The following ROBO1 variants were observed in gnomAD, a reference collection of about 807,000 sequenced individuals.
ROBO1 encodes roundabout homolog 1.
Under a neutral mutation model 195.9 loss-of-function variants are expected in ROBO1, and 149 were observed. That is an observed-to-expected ratio of 0.76 (90% CI 0.67 to 0.87). The LOEUF (loss-of-function observed/expected upper bound fraction) is 0.87. Ranked by LOEUF, ROBO1 falls within the 40% of genes least tolerant of loss-of-function variation. The pLI, the probability that ROBO1 is intolerant of heterozygous loss-of-function variation, is 0.00. For missense variants in ROBO1, 1,933 were observed against 2,068.3 expected (o/e 0.93, Z 1.27); for synonymous variants, 816 against 733.2 (o/e 1.11, Z -1.82).
intron 5 of ROBO1, among the ~76,000 whole-genome samples, chr3:78,740,212 T>C (rs2608021): frequency 0.69 from 104,377 of 151,800 alleles, 36,701 homozygotes; most frequent in Middle Eastern, 0.8. Flanking sequence ...AATTGACAAG[T>C]ATAAGTGTAC....
intron 1 of ROBO1, among the ~76,000 whole-genome samples, chr3:79,700,064 C>T (rs760629384): frequency 3.3e-5 from 5 of 151,700 alleles, no homozygotes; most frequent in Non-Finnish European, 7.4e-5. Flanking sequence ...TTAGTTCCTA[C>T]ACATAAGTGA....
intron 4 of ROBO1, among the ~76,000 whole-genome samples, chr3:78,916,951 G>A (rs77243986): frequency 0.069 from 10,523 of 152,154 alleles, 542 homozygotes; most frequent in Admixed American, 0.13. Flanking sequence ...AGTGTAGGTT[G>A]AGTAAAGAAA....
intron 2 of ROBO1, among the ~76,000 whole-genome samples, chr3:79,360,295 T>G (rs1191490265): frequency 1.3e-5 from 2 of 152,020 alleles, no homozygotes; most frequent in Non-Finnish European, 2.9e-5. Flanking sequence ...CAAATGATGA[T>G]TTTTTATAAA....
chr3:79,243,105 T>C (rs2082553281), intron 2 of ROBO1, among the ~76,000 whole-genome samples: 1 of 151,518 alleles, frequency 6.6e-6, no homozygotes, highest in Non-Finnish European at 1.5e-5. Flanking sequence ...GTCCTTGCGA[T>C]AGTTTGCTGA....
chr3:79,117,988 A>T (rs757986184), intron 3 of ROBO1, among the ~76,000 whole-genome samples: 2 of 152,208 alleles, frequency 1.3e-5, no homozygotes, highest in African/African-American at 2.4e-5. Flanking sequence ...TAAAACAAAC[A>T]TGAAGACAAT....
At chr3:79,669,068 C>T (rs1436817946) in intron 1 of ROBO1, among the ~76,000 whole-genome samples, 1 of 151,826 alleles carries the variant, frequency 6.6e-6, no homozygotes, top group Non-Finnish European at 1.5e-5. Flanking sequence ...TGAGTCCCTA[C>T]CCAAATCTCA....
At chr3:79,166,567 T>A (rs924902297) in intron 2 of ROBO1, among the ~76,000 whole-genome samples, 1 of 149,772 alleles carries the variant, frequency 6.7e-6, no homozygotes, top group East Asian at 1.9e-4. Flanking sequence ...TTTCTTTTTT[T>A]TTTTTTTTTT....
intron 3 of ROBO1, among the ~76,000 whole-genome samples, chr3:79,013,456 G>C (rs925864505): frequency 6.6e-6 from 1 of 152,168 alleles, no homozygotes; most frequent in African/African-American, 2.4e-5. Flanking sequence ...AAAAATTAGA[G>C]ACCATTTTCT....
intron 3 of ROBO1, among the ~76,000 whole-genome samples, chr3:79,051,685 T>C (rs1018305814): frequency 6.6e-6 from 1 of 152,064 alleles, no homozygotes; most frequent in Non-Finnish European, 1.5e-5. Flanking sequence ...TCAGGGACCC[T>C]GAATGGAGGG....
At chr3:78,761,064 T>G (rs1050866519) in intron 4 of ROBO1, among the ~76,000 whole-genome samples, 3 of 152,100 alleles carry the variant, frequency 2.0e-5, no homozygotes, top group African/African-American at 7.2e-5. Context: ...ATATAATCAA[T>G]AGTCTAACAG....
intron 4 of ROBO1, among the ~76,000 whole-genome samples, chr3:78,856,693 A>G (rs189550768): frequency 1.3e-3 from 197 of 151,588 alleles, no homozygotes; most frequent in Admixed American, 2.6e-3. Context: ...ATCTCCTTTG[A>G]TATATTTTAT....
chr3:78,975,756 G>A (rs897955173), intron 3 of ROBO1, among the ~76,000 whole-genome samples: 1 of 152,134 alleles, frequency 6.6e-6, no homozygotes, highest in African/African-American at 2.4e-5. Context: ...CATAAGCACT[G>A]AAATTAATTC....
chr3:79,584,279 T>TA lies in ROBO1; in HGVS notation c.88+5544_88+5545insT, dbSNP rs201728505. Among the ~76,000 whole-genome samples, 12 of 146,922 alleles carry TA rather than the reference T, an allele frequency of 8.2e-5. No homozygotes were observed. The South Asian group carries it at 2.6e-3, about 32-fold the overall frequency. ...ATATATATATATATATATATATATA[T>TA]TACTACATATATATATATGCTGTTA... On this transcript the variant is annotated intron_variant, in intron 2 of 30. Transcript: ENST00000464233.
At chr3:79,484,212 A>C (rs890909861) in intron 2 of ROBO1, among the ~76,000 whole-genome samples, 4 of 152,188 alleles carry the variant, frequency 2.6e-5, no homozygotes, top group African/African-American at 9.7e-5. Context: ...GTGGGGTGAT[A>C]CATGTTTAAA....
intron 3 of ROBO1, among the ~76,000 whole-genome samples, chr3:78,961,941 GT>G (rs74866184): frequency 6.6e-4 from 94 of 141,614 alleles, no homozygotes; most frequent in Non-Finnish European, 7.9e-4. Flanking sequence ...TTTGTTTTTT[GT>G]TTTTTTTTTT....
At chr3:79,511,278 C>T (rs1035671649) in intron 2 of ROBO1, among the ~76,000 whole-genome samples, 3 of 152,134 alleles carry the variant, frequency 2.0e-5, no homozygotes, top group African/African-American at 7.2e-5. Context: ...GCAAATTTTT[C>T]AACTTCATCA....
At chr3:79,640,651 A>G (rs1473204892) in intron 1 of ROBO1, among the ~76,000 whole-genome samples, 3 of 152,160 alleles carry the variant, frequency 2.0e-5, no homozygotes, top group African/African-American at 7.2e-5. Flanking sequence ...TTAGTGTTCT[A>G]TCTTTACTTA....
intron 2 of ROBO1, among the ~76,000 whole-genome samples, chr3:79,412,690 ATACTG>A (rs1302448479): frequency 2.6e-5 from 4 of 152,056 alleles, no homozygotes; most frequent in Non-Finnish European, 4.4e-5. Flanking sequence ...TATTCAGAGA[ATACTG>A]TATAAAGACA....
intron 24 of ROBO1, among the ~76,000 whole-genome samples, chr3:78,633,248 T>C (rs1244997885): frequency 1.3e-5 from 2 of 152,182 alleles, no homozygotes; most frequent in Non-Finnish European, 2.9e-5. Flanking sequence ...CACATGTTAG[T>C]TCTAATAACG....
Sources: allele counts gnomAD v4.1 joint callset (sites outside exome capture counted in the v4.1 genomes callset), GRCh38; gene constraint gnomAD v4.1.1; transcripts MANE v1.5; gene names NCBI Gene and HGNC (gene_info 2026-07-23, HGNC 2026-07-21).